UBE4B: variants seen among roughly 807,000 people sequenced by gnomAD.
The protein encoded by UBE4B is ubiquitin conjugation factor E4 B.
Under a neutral mutation model 148.1 loss-of-function variants are expected in UBE4B, and 27 were observed. That is an observed-to-expected ratio of 0.18 (90% CI 0.13 to 0.25). UBE4B has a LOEUF of 0.25. UBE4B is among the 10% of genes least tolerant of loss of function. The pLI is 1.00. For synonymous variants in UBE4B, 596 were observed against 619.3 expected (o/e 0.96, Z 0.56); for missense variants, 1,170 against 1,662.4 (o/e 0.70, Z 5.15).
chr1:10,153,779 C>T (rs895779059), intron 21 of UBE4B, among the ~76,000 whole-genome samples: 2 of 151,838 alleles, frequency 1.3e-5, no homozygotes, highest in African/African-American at 2.4e-5. Flanking sequence ...GAAACCCCGT[C>T]TCTACTAAAA....
chr1:10,054,072 TA>T (rs540017820), intron 1 of UBE4B, among the ~76,000 whole-genome samples: 8 of 151,342 alleles, frequency 5.3e-5, no homozygotes, highest in East Asian at 1.9e-4. Context: ...AGATTTTTTT[TA>T]AAAAAAAAGA....
chr1:10,074,449 A>G (rs902703388), intron 2 of UBE4B, among the ~76,000 whole-genome samples: 11 of 151,240 alleles, frequency 7.3e-5, no homozygotes, highest in African/African-American at 2.7e-4. Flanking sequence ...TCTCCCCCAC[A>G]TCTCTGCACC....
intron 17 of UBE4B, among the ~76,000 whole-genome samples, chr1:10,142,155 G>T (rs534308963): frequency 2.2e-4 from 33 of 152,026 alleles, no homozygotes; most frequent in Non-Finnish European, 4.1e-4. Context: ...AGAGCCTTGG[G>T]CTACCAGTGT....
At chr1:10,177,181 T>A (rs1414224441) in intron 25 of UBE4B, among the ~76,000 whole-genome samples, 1 of 152,040 alleles carries the variant, frequency 6.6e-6, no homozygotes, top group Non-Finnish European at 1.5e-5. Flanking sequence ...TGTTAGTCCA[T>A]TGCATCACTA....
At chr1:10,067,007 C>CT (rs1349625315) in intron 1 of UBE4B, among the ~76,000 whole-genome samples, 2 of 152,034 alleles carry the variant, frequency 1.3e-5, no homozygotes, top group South Asian at 2.1e-4. Context: ...TTGGAATTCA[C>CT]TTTTTTTTAA....
intron 2 of UBE4B, among the ~76,000 whole-genome samples, chr1:10,090,414 C>A (rs1378503419): frequency 6.6e-6 from 1 of 152,184 alleles, no homozygotes; most frequent in Non-Finnish European, 1.5e-5. Flanking sequence ...AGCCACCATG[C>A]CTGGCTGAGA....
intron 7 of UBE4B, among the ~76,000 whole-genome samples, chr1:10,112,507 C>T (rs1017190528): frequency 1.1e-4 from 16 of 152,162 alleles, no homozygotes; most frequent in Non-Finnish European, 1.6e-4. Flanking sequence ...TCAAGTGATT[C>T]ACCTGCCTCA....
intron 4 of UBE4B, among the ~76,000 whole-genome samples, chr1:10,101,954 G>T (rs1408521603): frequency 6.6e-6 from 1 of 151,568 alleles, no homozygotes; most frequent in African/African-American, 2.4e-5. Flanking sequence ...AATATCACCT[G>T]AGCTTAGTGC....
At chr1:10,173,850 T>G (rs1571034284) in intron 25 of UBE4B, among the ~76,000 whole-genome samples, 1 of 152,184 alleles carries the variant, frequency 6.6e-6, no homozygotes, top group Non-Finnish European at 1.5e-5. Context: ...CCCAGTGAGG[T>G]GATGCAAAGC....
chr1:10,121,318 A>G (rs967172625), intron 9 of UBE4B, among the ~76,000 whole-genome samples: 4 of 151,766 alleles, frequency 2.6e-5, no homozygotes, highest in Non-Finnish European at 5.9e-5. Flanking sequence ...TTGCGCCACC[A>G]TACTCCAGCC....
At chr1:10,147,542 A>G (rs1307420456) in intron 19 of UBE4B, among the ~76,000 whole-genome samples, 1 of 152,222 alleles carries the variant, frequency 6.6e-6, no homozygotes, top group Non-Finnish European at 1.5e-5. Context: ...TTGCATTTAT[A>G]TAGATTATGT....
intron 2 of UBE4B, among the ~76,000 whole-genome samples, chr1:10,093,155 G>A (rs755048844): frequency 1.2e-4 from 19 of 152,204 alleles, no homozygotes; most frequent in Non-Finnish European, 2.9e-5. Flanking sequence ...AACTTGTTTT[G>A]TAGGGTAGAA....
At chr1:10,090,122 TGTGTG>T (rs1267743287) in intron 2 of UBE4B, among the ~76,000 whole-genome samples, 1 of 132,926 alleles carries the variant, frequency 7.5e-6, no homozygotes, top group African/African-American at 3.8e-5. Context: ...CCTGTGTGTG[TGTGTG>T]TTTTTTTTTT....
At chr1:10,062,485 G>A (rs1363489182) in intron 1 of UBE4B, among the ~76,000 whole-genome samples, 1 of 151,868 alleles carries the variant, frequency 6.6e-6, no homozygotes, top group Non-Finnish European at 1.5e-5. Context: ...GCTAATTTTT[G>A]TATTTTTAGT....
intron 4 of UBE4B, among the ~76,000 whole-genome samples, chr1:10,102,276 G>T (rs1645025192): frequency 6.6e-6 from 1 of 151,550 alleles, no homozygotes; most frequent in Non-Finnish European, 1.5e-5. Context: ...AGGAAAATTG[G>T]TCATGCACCT....
intron 11 of UBE4B, chr1:10,128,744 C>T (rs1455269726): frequency 1.3e-5 from 2 of 152,314 alleles, no homozygotes; most frequent in African/African-American, 4.8e-5. Context: ...AGAGCTGCGT[C>T]CGAATCACAG....
chr1:10,073,595 C>T (rs1644523814), intron 2 of UBE4B, among the ~76,000 whole-genome samples: 1 of 152,082 alleles, frequency 6.6e-6, no homozygotes, highest in African/African-American at 2.4e-5. Context: ...TGCTACCTGC[C>T]TGTAATTCCA....
chr1:10,107,576 C>CTTTTTTTTT (rs60975850), intron 7 of UBE4B, among the ~76,000 whole-genome samples: 3 of 128,288 alleles, frequency 2.3e-5, no homozygotes, highest in South Asian at 2.5e-4. Context: ...TTCTTTCTTT[C>CTTTTTTTTT]TTTTTTTTTT....
At chr1:10,060,977 C>T (rs1644274050) in intron 1 of UBE4B, among the ~76,000 whole-genome samples, 1 of 152,064 alleles carries the variant, frequency 6.6e-6, no homozygotes, top group East Asian at 1.9e-4. Context: ...AGCTCCTGGC[C>T]TCAAATGATC....
Sources: gnomAD v4.1 joint callset for allele counts (sites outside exome capture counted in the v4.1 genomes callset) on GRCh38, gnomAD v4.1.1 for gene constraint, MANE v1.5 for transcripts, NCBI Gene and HGNC (gene_info 2026-07-23, HGNC 2026-07-21) for gene names.